Variants in KCNH1 observed in about 807,000 individuals in gnomAD.
KCNH1 encodes the protein potassium voltage-gated channel subfamily H member 1, also known as voltage-gated delayed rectifier potassium channel KCNH1.
In KCNH1, 27 loss-of-function variants were observed where a neutral mutation model predicts 69.2. That is an observed-to-expected ratio of 0.39 (90% CI 0.29 to 0.54). The LOEUF (loss-of-function observed/expected upper bound fraction) is 0.54, where lower values mean the gene tolerates loss of function less well. Ranked by LOEUF, KCNH1 falls within the 20% of genes least tolerant of loss-of-function variation. KCNH1 has a pLI of 0.68. For synonymous variants in KCNH1, 456 were observed against 487.7 expected (o/e 0.93, Z 0.86); for missense variants, 798 against 1,261.6 (o/e 0.63, Z 5.57).
At chr1:210,984,043 C>T (rs553759353) in intron 6 of KCNH1, among the ~76,000 whole-genome samples, 24 of 151,940 alleles carry the variant, frequency 1.6e-4, no homozygotes, top group Non-Finnish European at 2.4e-4. Flanking sequence ...AATTGTGAAT[C>T]GGAGTTCACT....
intron 10 of KCNH1, among the ~76,000 whole-genome samples, chr1:210,771,666 G>GT (rs1558463030): frequency 6.6e-6 from 1 of 152,232 alleles, no homozygotes; most frequent in Non-Finnish European, 1.5e-5. Context: ...TCGCTATGTA[G>GT]TAGTAGGCTT....
chr1:211,079,433 T>C lies in KCNH1; in HGVS notation c.558+3347A>G, dbSNP rs1171404452. On this transcript the variant is annotated intron_variant, in intron 5 of 10. Coordinates refer to ENST00000271751, the MANE Select transcript of KCNH1 (RefSeq NM_172362.3). ...TTCCTTCTGAAACTATTCCAATCAATAGAAAAAGAGGGAATCCTCCCTAAC... is the reference window on the plus strand; with the variant it reads ...TTCCTTCTGAAACTATTCCAATCAACAGAAAAAGAGGGAATCCTCCCTAAC... Among the ~76,000 whole-genome samples, 3 of 152,060 alleles carry C rather than the reference T, an allele frequency of 2.0e-5. No homozygotes were observed. The East Asian group carries it at 5.8e-4, about 29-fold the overall frequency.
chr1:210,716,080 C>T (rs931305027), intron 10 of KCNH1, among the ~76,000 whole-genome samples: 17 of 152,100 alleles, frequency 1.1e-4, no homozygotes, highest in East Asian at 3.9e-4. Flanking sequence ...CCCCTCCCCC[C>T]GCCATTTCTA....
chr1:210,709,703 GAA>G (rs958848516), intron 10 of KCNH1, among the ~76,000 whole-genome samples: 5 of 139,858 alleles, frequency 3.6e-5, no homozygotes, highest in African/African-American at 1.4e-4. Context: ...GAGAGAAAAA[GAA>G]AGAGAAAGAA....
At chr1:210,878,380 T>C (rs761568252) in intron 7 of KCNH1, among the ~76,000 whole-genome samples, 1 of 151,974 alleles carries the variant, frequency 6.6e-6, no homozygotes, top group Non-Finnish European at 1.5e-5. Flanking sequence ...TTCACCAAGA[T>C]AGAACACATT....
In KCNH1 at chr1:210,679,970, G is replaced by A. The variant is rs1013350566; in HGVS notation, c.*3311C>T. 6.6e-6 allele frequency: 1 copy of A among 152,170 alleles called. No homozygotes were observed. The highest frequency in any genetic ancestry group is 2.4e-5 in the African/African-American group (1 of 41,430). The allele number at this position is 152,170 out of a possible 1,614,324, so 9.4% of individuals were successfully genotyped here. On this transcript the variant is annotated 3_prime_UTR_variant, in exon 11 of 11. Transcript: ENST00000271751. ...AATGAGTTGCATTCATGAATGCAATGAGTTGCATTAATTGTACACTAGACA... is the reference window on the plus strand; with the variant it reads ...AATGAGTTGCATTCATGAATGCAATAAGTTGCATTAATTGTACACTAGACA...
At chr1:210,709,144 G>T (rs566615667) in intron 10 of KCNH1, among the ~76,000 whole-genome samples, 32 of 152,288 alleles carry the variant, frequency 2.1e-4, no homozygotes, top group Admixed American at 5.9e-4. Flanking sequence ...AGCTACTCAG[G>T]AGGCTGAAGC....
At chr1:210,862,823 C>A (rs1342466944) in intron 7 of KCNH1, among the ~76,000 whole-genome samples, 1 of 152,074 alleles carries the variant, frequency 6.6e-6, no homozygotes, top group East Asian at 1.9e-4. Context: ...GAGGAAAGGC[C>A]CTTATCTCAG....
chr1:211,030,402 GA>G (rs1455622131), intron 5 of KCNH1, among the ~76,000 whole-genome samples: 3 of 152,074 alleles, frequency 2.0e-5, no homozygotes, highest in Non-Finnish European at 4.4e-5. Context: ...TGTGGTATTG[GA>G]AAAAGAATAT....
intron 9 of KCNH1, among the ~76,000 whole-genome samples, chr1:210,790,688 T>C (rs1341242258): frequency 3.9e-5 from 6 of 152,230 alleles, no homozygotes; most frequent in Non-Finnish European, 8.8e-5. Flanking sequence ...TTGGCAGCCC[T>C]ACTCCTGTCT....
chr1:211,031,229 T>G (rs1689778349), intron 5 of KCNH1, among the ~76,000 whole-genome samples: 1 of 152,094 alleles, frequency 6.6e-6, no homozygotes, highest in South Asian at 2.1e-4. Flanking sequence ...AGTAACAGAC[T>G]CTGAAATTGA....
chr1:210,939,946 C>T (rs1033693025), intron 6 of KCNH1, among the ~76,000 whole-genome samples: 3 of 152,154 alleles, frequency 2.0e-5, no homozygotes, highest in Non-Finnish European at 4.4e-5. Context: ...ATCTAGTGGT[C>T]TGTTACAAGG....
At chr1:210,917,207 C>CAGAGAGAG (rs140438633) in intron 7 of KCNH1, among the ~76,000 whole-genome samples, 6 of 108,710 alleles carry the variant, frequency 5.5e-5, no homozygotes, top group Admixed American at 2.1e-4. Flanking sequence ...AAGAAAGGGA[C>CAGAGAGAG]AGAGAGAGAG....
At chr1:210,752,027 G>C (rs989888402) in intron 10 of KCNH1, among the ~76,000 whole-genome samples, 15 of 152,146 alleles carry the variant, frequency 9.9e-5, no homozygotes, top group African/African-American at 3.6e-4. Flanking sequence ...GAGGAGGTAA[G>C]GTAGTGTGAA....
chr1:210,689,455 G>A (rs1325999362), intron 10 of KCNH1, among the ~76,000 whole-genome samples: 1 of 152,212 alleles, frequency 6.6e-6, no homozygotes, highest in African/African-American at 2.4e-5. Flanking sequence ...ACAGCAAGAC[G>A]ATGTGGGGAG....
At chr1:210,784,361 A>G (rs1684051531) in intron 9 of KCNH1, among the ~76,000 whole-genome samples, 1 of 152,238 alleles carries the variant, frequency 6.6e-6, no homozygotes, top group African/African-American at 2.4e-5. Flanking sequence ...TTTATCTGCT[A>G]CAGTTTACAG....
At chr1:211,049,262 A>C (rs1326769957) in intron 5 of KCNH1, among the ~76,000 whole-genome samples, 1 of 152,242 alleles carries the variant, frequency 6.6e-6, no homozygotes, top group Non-Finnish European at 1.5e-5. Context: ...AACAAGGGAA[A>C]AGAGAAAACA....
In KCNH1 at chr1:210,759,454, G is replaced by T. The variant is rs1224963935; in HGVS notation, c.2112+15894C>A. ...AATCCAAGATTTGAAAAACAATATG[G>T]CTATATTAAGAAAAAATGAAAGCAA... is the stretch of plus-strand genomic sequence containing the variant. On this transcript the variant is annotated intron_variant, in intron 10 of 10. Transcript: ENST00000271751. Among the ~76,000 whole-genome samples, 6 of 152,000 alleles carry T rather than the reference G, an allele frequency of 3.9e-5. No homozygotes were observed. In the East Asian group the frequency reaches 1.2e-3, roughly 29 times the overall value.
At chr1:210,856,396 C>T (rs79103891) in intron 7 of KCNH1, among the ~76,000 whole-genome samples, 2,837 of 149,980 alleles carry the variant, frequency 0.019, 79 homozygotes, top group African/African-American at 0.066. Flanking sequence ...GCTGTTCCTC[C>T]CTAACCCCCA....
Sources: gnomAD v4.1 joint callset for allele counts (sites outside exome capture counted in the v4.1 genomes callset) on GRCh38, gnomAD v4.1.1 for gene constraint, MANE v1.5 for transcripts, NCBI Gene and HGNC (gene_info 2026-07-23, HGNC 2026-07-21) for gene names.